The following SHISA9 variants were observed in gnomAD, a reference collection of about 807,000 sequenced individuals.
The protein encoded by SHISA9 is shisa family member 9, also known as protein shisa-9.
In SHISA9, 13 loss-of-function variants were observed where a neutral mutation model predicts 38.0. The ratio of observed to expected loss-of-function variants is 0.34; its 90% confidence interval spans 0.22 to 0.54. SHISA9 has a LOEUF of 0.54. Among genes scored for constraint, SHISA9 ranks in the 20% least tolerant of loss-of-function variants. The probability of loss-of-function intolerance (pLI) is 0.91; values close to 1 mark genes in which losing one functional copy is unlikely to be tolerated. For missense variants in SHISA9, 538 were observed against 575.8 expected (o/e 0.93, Z 0.67); for synonymous variants, 275 against 242.0 (o/e 1.14, Z -1.27).
At position 12,902,153 on chromosome 16, in the gene SHISA9, G is replaced by A; in HGVS notation, c.89G>A (p.Gly30Glu). The A allele has an allele frequency of 2.6e-6, 4 of 1,526,416 alleles. No homozygotes were observed. Among genetic ancestry groups the A allele is most frequent in the Non-Finnish European group, 3.5e-6 (4 of 1,142,714 alleles). 94.6% of individuals were successfully genotyped at this position (1,526,416 alleles called of 1,614,324 possible). A position where few individuals can be genotyped will look rare whatever the true frequency, so the allele number is the denominator to read the frequency against. The change falls in exon 1 of 5, where the codon GGG becomes GAG. Residue 30 changes from glycine (G) to glutamate (E), a missense_variant. Physicochemically the swap from Gly to Glu is moderately conservative, Grantham distance 98 (BLOSUM62 -2). Around this residue, in one of 4 missense-constraint regions of SHISA9, gnomAD observed 107 missense variants for 103.0 expected, o/e 1.04. Transcript: ENST00000558583. Reference protein sequence around the residue: ...VCRAQERAGHGQLAQLGGVLL... With the variant: ...VCRAQERAGHEQLAQLGGVLL... Reference sequence around the variant, plus strand: ...CGGGCGCAGGAGCGAGCGGGACACGGGCAGCTGGCGCAACTGGGCGGCGTG... The same window carrying A: ...CGGGCGCAGGAGCGAGCGGGACACGAGCAGCTGGCGCAACTGGGCGGCGTG...
At chr16:12,966,951 C>T (rs1184878477) in intron 2 of SHISA9, among the ~76,000 whole-genome samples, 1 of 152,194 alleles carries the variant, frequency 6.6e-6, no homozygotes, top group Admixed American at 6.5e-5. Flanking sequence ...TGGGTGCCTC[C>T]TGGGTGCCAG....
the SHISA9 span, among the ~76,000 whole-genome samples, chr16:13,317,907 C>T: frequency 1.3e-5 from 2 of 152,182 alleles, no homozygotes; most frequent in East Asian, 1.9e-4. Context: ...GAAGTGAAAA[C>T]CCTCAGGTCT....
the SHISA9 span, among the ~76,000 whole-genome samples, chr16:13,277,848 A>G: frequency 6.6e-6 from 1 of 152,048 alleles, no homozygotes; most frequent in Non-Finnish European, 1.5e-5. Context: ...GTAAACGATC[A>G]TATGGTCAGC....
At chr16:13,214,770 T>G (rs2051151525) in intron 4 of SHISA9, among the ~76,000 whole-genome samples, 1 of 152,066 alleles carries the variant, frequency 6.6e-6, no homozygotes, top group Non-Finnish European at 1.5e-5. Flanking sequence ...CTCCCATTTT[T>G]AAAACCATCC....
intron 2 of SHISA9, among the ~76,000 whole-genome samples, chr16:13,177,582 G>C (rs997313722): frequency 4.6e-5 from 7 of 151,794 alleles, no homozygotes; most frequent in African/African-American, 1.7e-4. Flanking sequence ...CTACTCATAC[G>C]ATTTTCCCTA....
intron 2 of SHISA9, among the ~76,000 whole-genome samples, chr16:13,182,066 T>C (rs2050783896): frequency 6.6e-6 from 1 of 152,182 alleles, no homozygotes; most frequent in South Asian, 2.1e-4. Flanking sequence ...TGATGGAACA[T>C]CTAGCAAGCT....
Position 13,220,533 on chromosome 16 carries a change from C to T in SHISA9, c.895+7233C>T, listed in dbSNP as rs962372950. ...ACATTGACATGGTCCCAGGAAACTA[C>T]AGCCAAGAGGAAGGTGACAAGTAGG... On this transcript the variant is annotated intron_variant, in intron 4 of 4. Transcript: ENST00000558583. 5.9e-5 allele frequency among the ~76,000 whole-genome samples: 9 copies of T among 152,324 alleles called. No individual in the cohort carries two copies. The South Asian group carries it at 8.3e-4, about 14-fold the overall frequency.
chr16:13,304,727 C>T, the SHISA9 span, among the ~76,000 whole-genome samples: 58 of 152,306 alleles, frequency 3.8e-4, no homozygotes, highest in Non-Finnish European at 2.1e-4. Flanking sequence ...AGTCCCATCT[C>T]ACAGATGGAA....
At chr16:13,264,115 G>A in the SHISA9 span, among the ~76,000 whole-genome samples, 1 of 151,102 alleles carries the variant, frequency 6.6e-6, no homozygotes, top group African/African-American at 2.4e-5. Flanking sequence ...GTCATCACCT[G>A]TGTCTGCTTC....
intron 3 of SHISA9, among the ~76,000 whole-genome samples, chr16:13,208,283 C>A (rs192075590): frequency 6.6e-6 from 1 of 152,078 alleles, no homozygotes; most frequent in Non-Finnish European, 1.5e-5. Flanking sequence ...AGGGAAAAAA[C>A]GGTTTGAATA....
the SHISA9 span, among the ~76,000 whole-genome samples, chr16:13,379,212 G>A: frequency 3.9e-5 from 6 of 152,176 alleles, no homozygotes; most frequent in Non-Finnish European, 8.8e-5. Flanking sequence ...ATATGAAAAA[G>A]AGGCAAGAAG....
At chr16:13,537,428 C>CA in the SHISA9 span, among the ~76,000 whole-genome samples, 318 of 107,720 alleles carry the variant, frequency 3.0e-3, no homozygotes, top group Middle Eastern at 0.011. Context: ...AACTTCACCT[C>CA]AAAAAAAAAA....
rs192918487 is a variant in SHISA9 at position 12,934,691 on chromosome 16, T to A, written c.691+17876T>A. Among the ~76,000 whole-genome samples the A allele has an allele frequency of 2.8e-3, 419 of 152,326 alleles. 4 individuals carry two copies. The highest frequency in any genetic ancestry group is 9.6e-3 in the African/African-American group (400 of 41,576). ...TTGCCCTATGGACATTTCAAAGTTA[T>A]CAGCCAAGCCCCTTTAAAATCGCTT... On this transcript the variant is annotated intron_variant, in intron 2 of 4. Coordinates refer to ENST00000558583, the MANE Select transcript of SHISA9 (RefSeq NM_001145204.3).
the SHISA9 span, among the ~76,000 whole-genome samples, chr16:13,513,245 A>G: frequency 6.6e-6 from 1 of 152,250 alleles, no homozygotes; most frequent in Admixed American, 6.5e-5. Context: ...CAGCCAACAA[A>G]CATATGAGAA....
the SHISA9 span, among the ~76,000 whole-genome samples, chr16:13,289,662 TAGAG>T: frequency 6.7e-6 from 1 of 149,836 alleles, no homozygotes; most frequent in South Asian, 2.1e-4. Context: ...GAGCAAGAGC[TAGAG>T]AGAGAGAGAA....
At chr16:13,327,576 G>A in the SHISA9 span, among the ~76,000 whole-genome samples, 17 of 152,008 alleles carry the variant, frequency 1.1e-4, no homozygotes, top group South Asian at 1.5e-3. Flanking sequence ...AGATCGAGCT[G>A]CTGCACTCCA....
chr16:13,211,422 A>C (rs573037307), intron 3 of SHISA9, among the ~76,000 whole-genome samples: 2 of 152,318 alleles, frequency 1.3e-5, no homozygotes, highest in Non-Finnish European at 2.9e-5. Context: ...TGACATACAC[A>C]GTTCATAATT....
At chr16:13,115,875 G>C (rs1233579975) in intron 2 of SHISA9, among the ~76,000 whole-genome samples, 1 of 152,086 alleles carries the variant, frequency 6.6e-6, no homozygotes, top group Non-Finnish European at 1.5e-5. Flanking sequence ...AAAACCCTTG[G>C]AGTTTCTTCC....
the SHISA9 span, among the ~76,000 whole-genome samples, chr16:13,417,250 G>A: frequency 8.5e-5 from 13 of 152,190 alleles, no homozygotes; most frequent in African/African-American, 3.1e-4. Context: ...CAAAAGGAAA[G>A]GTGATATGTT....
Sources: gnomAD v4.1 joint callset for allele counts (sites outside exome capture counted in the v4.1 genomes callset) on GRCh38, gnomAD v4.1.1 for gene constraint, gnomAD v4.1.1 regional missense constraint, MANE v1.5 for transcripts, NCBI Gene and HGNC (gene_info 2026-07-23, HGNC 2026-07-21) for gene names.